CSRNP2: variants seen among roughly 807,000 people sequenced by gnomAD.
CSRNP2 encodes the protein cysteine and serine rich nuclear protein 2.
CSRNP2 carries 11 observed loss-of-function variants against 36.6 expected under a neutral mutation model. The ratio of observed to expected loss-of-function variants is 0.30; its 90% CI spans 0.19 to 0.50. The LOEUF is 0.50. Ranked by LOEUF, CSRNP2 falls within the 20% of genes least tolerant of loss-of-function variation. The pLI, the probability that CSRNP2 is intolerant of heterozygous loss-of-function variation, is 0.98. For synonymous variants in CSRNP2, 248 were observed against 275.3 expected, an observed-to-expected ratio of 0.90 and a Z score of 0.98; for missense variants, 483 against 691.4, an observed-to-expected ratio of 0.70 and a Z score of 3.38.
In CSRNP2 at chr12:51,063,651, G is replaced by A. The variant is rs1001888788; in HGVS notation, c.*95C>T. On this transcript the variant is annotated 3_prime_UTR_variant, in exon 5 of 5. Coordinates refer to ENST00000228515, the MANE Select transcript of CSRNP2 (RefSeq NM_030809.3). ...AAGACCCCAATAAAATAACATGGGA[G>A]CAGCAGCTGCTTCTACAGTTTTGTT... 2 of 958,842 alleles carry A rather than the reference G, an allele frequency of 2.1e-6. No homozygotes were observed. The highest frequency in any genetic ancestry group is 1.5e-6 in the Non-Finnish European group (1 of 668,006). The allele number at this position is 958,842 out of a possible 1,614,324, so 59.4% of individuals were successfully genotyped here.
intron 1 of CSRNP2, among the ~76,000 whole-genome samples, chr12:51,077,044 CAAAAAAAAA>C (rs34490094): frequency 1.6e-5 from 2 of 126,748 alleles, no homozygotes; most frequent in African/African-American, 3.0e-5. Flanking sequence ...GTTTGGTTGG[CAAAAAAAAA>C]AAAAAAAGGA....
At position 51,073,822 on chromosome 12, in the gene CSRNP2, C is replaced by G; in HGVS notation, c.411+1G>C. 6.2e-7 allele frequency: 1 copy of G among 1,613,368 alleles called. No homozygotes were observed. Among genetic ancestry groups the G allele is most frequent in the Non-Finnish European group, 8.5e-7 (1 of 1,179,746 alleles). On this transcript the variant is annotated splice_donor_variant, in intron 3 of 4. Transcript: ENST00000228515. LOFTEE classifies it high-confidence loss of function. ...CAGTAGATCCCAGAACACTTAGGCACCTTCATTTTCTTGGCATGGAGTTTC... is the reference window on the plus strand; with the variant it reads ...CAGTAGATCCCAGAACACTTAGGCAGCTTCATTTTCTTGGCATGGAGTTTC...
At chr12:51,079,407 T>TC (rs1939525830) in intron 1 of CSRNP2, among the ~76,000 whole-genome samples, 2 of 151,572 alleles carry the variant, frequency 1.3e-5, no homozygotes. Context: ...CATTCCATTC[T>TC]ATTGTAGCGG....
chr12:51,071,191 C>T (rs1003405509), intron 3 of CSRNP2, among the ~76,000 whole-genome samples: 5 of 146,128 alleles, frequency 3.4e-5, no homozygotes, highest in Non-Finnish European at 7.5e-5. Context: ...ACCTGGGAGG[C>T]GGAGGTTGCA....
chr12:51,068,605 G>A (rs1384971920), intron 3 of CSRNP2, among the ~76,000 whole-genome samples: 1 of 152,090 alleles, frequency 6.6e-6, no homozygotes, highest in Non-Finnish European at 1.5e-5. Flanking sequence ...CCTCCTACAC[G>A]AAAATCTATT....
In CSRNP2 at chr12:51,063,323, A is replaced by G. The variant is rs539172699; in HGVS notation, c.*423T>C. On this transcript the variant is annotated 3_prime_UTR_variant, in exon 5 of 5. Coordinates refer to ENST00000228515, the MANE Select transcript of CSRNP2 (RefSeq NM_030809.3). Reference sequence around the variant, plus strand: ...AAGTATTATGACACACCAAAATGGGATATCAGAATAACCACCGAGAAAAAT... The same window carrying G: ...AAGTATTATGACACACCAAAATGGGGTATCAGAATAACCACCGAGAAAAAT... The G allele has an allele frequency of 3.4e-3, 515 of 153,320 alleles. 5 individuals carry two copies. Among genetic ancestry groups the G allele is most frequent in the African/African-American group, 0.012 (496 of 41,364 alleles). 9.5% of individuals were successfully genotyped at this position (153,320 alleles called of 1,614,324 possible).
In CSRNP2 at chr12:51,083,552, C is replaced by T. The variant is rs1939725545; in HGVS notation, c.-300G>A. 1 of 152,270 alleles carries T rather than the reference C, an allele frequency of 6.6e-6. No individual in the cohort carries two copies. The allele number at this position is 152,270 out of a possible 1,614,324, so 9.4% of individuals were successfully genotyped here. A position where few individuals can be genotyped will look rare whatever the true frequency, so the allele number is the denominator to read the frequency against. On this transcript the variant is annotated 5_prime_UTR_variant, in exon 1 of 5. Coordinates refer to ENST00000228515, the MANE Select transcript of CSRNP2 (RefSeq NM_030809.3). ...CGGGCGTCTCCGGCAACTCGGGCGC[C>T]CCCGGCAGCAGACGCCCAGAACCGC...
intron 3 of CSRNP2, among the ~76,000 whole-genome samples, chr12:51,069,132 C>A (rs1421451729): frequency 6.6e-6 from 1 of 151,680 alleles, no homozygotes; most frequent in Non-Finnish European, 1.5e-5. Flanking sequence ...CCTGCCACCA[C>A]GCCCGGCTAA....
chr12:51,077,588 A>G (rs182115544), intron 1 of CSRNP2, among the ~76,000 whole-genome samples: 1 of 152,324 alleles, frequency 6.6e-6, no homozygotes, highest in East Asian at 1.9e-4. Flanking sequence ...CCAGATCTTC[A>G]TAAGTGTAAA....
chr12:51,073,757 C>A, intron 3 of CSRNP2, 66 bp downstream of exon 3: 2 of 1,481,670 alleles, frequency 1.3e-6, no homozygotes, highest in South Asian at 1.3e-5. Context: ...ATCAATCAAC[C>A]AACCAACCAA....
At position 51,074,009 on chromosome 12, in the gene CSRNP2, G is replaced by A; in HGVS notation, c.225C>T (p.Tyr75=). The change falls in exon 3 of 5, where the codon TAC becomes TAT. Residue 75 remains tyrosine (Y), a synonymous_variant. Transcript: ENST00000228515. ...NVRFDQVTVY[Y]FARRQGFTSV... ...TGGTAAAACCTTGGCGCCGGGCAAA[G>A]TAGTATACAGTCACCTGGTCAAAGC... is the stretch of plus-strand genomic sequence containing the variant. 6.2e-7 allele frequency: 1 copy of A among 1,614,234 alleles called. No individual in the cohort carries two copies. The highest frequency in any genetic ancestry group is 1.1e-5 in the South Asian group (1 of 91,086).
chr12:51,063,998 C>G lies in CSRNP2; in HGVS notation c.1380G>C (p.Val460=). Residue 460 remains valine, a synonymous_variant, in exon 5 of 5, where the codon GTG becomes GTC. Coordinates refer to ENST00000228515, the MANE Select transcript of CSRNP2 (RefSeq NM_030809.3). ...CAGCTGGGTCTGTGGAGCTACAAGC[C>G]ACGAGTGAGGTAACAGGGAGAGAGA... The part of the protein sequence containing the change: ...NVFSLPVTSL[V]ACSSTDPAAL... The G allele has an allele frequency of 6.2e-7, 1 of 1,614,084 alleles. No individual in the cohort carries two copies.
At chr12:51,073,024 C>T (rs1375279311) in intron 3 of CSRNP2, among the ~76,000 whole-genome samples, 1 of 151,990 alleles carries the variant, frequency 6.6e-6, no homozygotes, top group Non-Finnish European at 1.5e-5. Flanking sequence ...GAATTGAGAC[C>T]AACCTGGGCA....
At chr12:51,077,058 AAAGG>A (rs1939431381) in intron 1 of CSRNP2, among the ~76,000 whole-genome samples, 6 of 151,406 alleles carry the variant, frequency 4.0e-5, no homozygotes, top group Non-Finnish European at 8.8e-5. Flanking sequence ...AAAAAAAAAA[AAAGG>A]AAAAAAAGAA....
intron 4 of CSRNP2, among the ~76,000 whole-genome samples, chr12:51,065,535 G>A (rs758619539): frequency 5.3e-5 from 8 of 151,778 alleles, no homozygotes; most frequent in Admixed American, 2.6e-4. Flanking sequence ...TTGCTCTGTC[G>A]TCCAGGCTGG....
chr12:51,072,571 A>C (rs9795982), intron 3 of CSRNP2, among the ~76,000 whole-genome samples: 334 of 50,662 alleles, frequency 6.6e-3, no homozygotes, highest in Non-Finnish European at 0.017. Flanking sequence ...TCAAAAAAAA[A>C]AAAAAAAAAA....
intron 1 of CSRNP2, among the ~76,000 whole-genome samples, chr12:51,081,946 T>G (rs1450700863): frequency 1.3e-5 from 2 of 152,228 alleles, no homozygotes; most frequent in Non-Finnish European, 2.9e-5. Context: ...ATAAGTCTCT[T>G]TCTTAAATGA....
intron 1 of CSRNP2, 36 bp from the exon 2 acceptor site, chr12:51,076,683 C>G: frequency 1.9e-6 from 2 of 1,043,494 alleles, no homozygotes; most frequent in Non-Finnish European, 2.9e-6. Context: ...CATTCCTGTC[C>G]CCAGACAGAC....
At chr12:51,075,961 G>C (rs891019169) in intron 2 of CSRNP2, among the ~76,000 whole-genome samples, 1 of 152,178 alleles carries the variant, frequency 6.6e-6, no homozygotes, top group Non-Finnish European at 1.5e-5. Flanking sequence ...TGAAGCAGGA[G>C]AATCACTTGA....
Sources: gnomAD v4.1 joint callset for allele counts (sites outside exome capture counted in the v4.1 genomes callset) on GRCh38, gnomAD v4.1.1 for gene constraint, MANE v1.5 for transcripts, NCBI Gene and HGNC (gene_info 2026-07-23, HGNC 2026-07-21) for gene names.